Variants in TMEM132D observed in about 807,000 individuals in gnomAD.
The protein encoded by TMEM132D is mature OL transmembrane protein.
A neutral mutation model predicts 62.3 loss-of-function variants in TMEM132D; 21 were observed. The ratio of observed to expected loss-of-function variants is 0.34; its 90% CI spans 0.24 to 0.49. TMEM132D has a LOEUF of 0.49. Among genes scored for constraint, TMEM132D ranks in the 20% least tolerant of loss-of-function variants. TMEM132D has a pLI of 0.99. For synonymous variants in TMEM132D, 621 were observed against 575.6 expected, an observed-to-expected ratio of 1.08 and a Z score of -1.13; for missense variants, 1,346 against 1,402.8, an observed-to-expected ratio of 0.96 and a Z score of 0.65.
At chr12:129,084,853 G>T in intron 5 of TMEM132D, 151 bp from the exon 6 acceptor site, 1 of 644,232 alleles carries the variant, frequency 1.6e-6, no homozygotes, top group Non-Finnish European at 2.6e-6. Context: ...GTATGGAGCA[G>T]ACATTGGGTG....
chr12:129,125,499 A>ATTTTTTTTTTTTTTTTT (rs1565972138), intron 5 of TMEM132D, among the ~76,000 whole-genome samples: 1 of 127,834 alleles, frequency 7.8e-6, no homozygotes, highest in African/African-American at 3.0e-5. Flanking sequence ...AATTACTATG[A>ATTTTTTTTTTTTTTTTT]GTTTTTTTTT....
In TMEM132D at chr12:129,155,883, C is replaced by T. The variant is rs1343092921; in HGVS notation, c.1443+53637G>A. Among the ~76,000 whole-genome samples, 3 of 151,802 alleles carry T rather than the reference C, an allele frequency of 2.0e-5. No individual in the cohort carries two copies. The East Asian group carries it at 5.8e-4, about 29-fold the overall frequency. On this transcript the variant is annotated intron_variant, in intron 5 of 8. Transcript: ENST00000422113. ...TCCCAATATAATGAATCCACTCCCC[C>T]AGTAACCAACCCACTCCCAAGATAA...
At chr12:129,467,630 G>A (rs892661588) in intron 3 of TMEM132D, among the ~76,000 whole-genome samples, 2 of 152,208 alleles carry the variant, frequency 1.3e-5, no homozygotes, top group African/African-American at 4.8e-5. Context: ...GATGATGACA[G>A]AGCAGACATG....
At chr12:129,157,125 T>C (rs779849274) in intron 5 of TMEM132D, among the ~76,000 whole-genome samples, 10 of 152,006 alleles carry the variant, frequency 6.6e-5, no homozygotes, top group Non-Finnish European at 1.5e-4. Flanking sequence ...ACTTCTATGA[T>C]AGCTAACCCA....
chr12:129,798,586 T>A (rs1221022948), intron 1 of TMEM132D, among the ~76,000 whole-genome samples: 3 of 152,198 alleles, frequency 2.0e-5, no homozygotes, highest in Non-Finnish European at 4.4e-5. Context: ...GTACATGCAC[T>A]GTGCCCATTA....
intron 2 of TMEM132D, among the ~76,000 whole-genome samples, chr12:129,584,205 A>G (rs1304239151): frequency 6.6e-6 from 1 of 152,236 alleles, no homozygotes; most frequent in Non-Finnish European, 1.5e-5. Context: ...TTCAAAGAAT[A>G]GTAAGATCTT....
intron 3 of TMEM132D, among the ~76,000 whole-genome samples, chr12:129,373,877 G>T (rs1263727599): frequency 6.6e-6 from 1 of 152,136 alleles, no homozygotes; most frequent in Non-Finnish European, 1.5e-5. Flanking sequence ...ATTATCATTC[G>T]ATTTCCCATT....
In TMEM132D at chr12:129,489,031, C is replaced by T. The variant is rs7958436; in HGVS notation, c.1115+42028G>A. Among the ~76,000 whole-genome samples, 170 of 152,156 alleles carry T rather than the reference C, an allele frequency of 1.1e-3. 1 individual carries two copies. Among genetic ancestry groups the T allele is most frequent in the African/African-American group, 3.5e-3 (144 of 41,500 alleles). On this transcript the variant is annotated intron_variant, in intron 3 of 8. Coordinates refer to ENST00000422113, the MANE Select transcript of TMEM132D (RefSeq NM_133448.3). The stretch of plus-strand genomic sequence containing the variant: ...CAGAGTCATCAATAATGTCAATAGT[C>T]GTCAATAGCCATCAATAACAATACA...
chr12:129,134,294 C>G (rs1464117685), intron 5 of TMEM132D, among the ~76,000 whole-genome samples: 4 of 152,046 alleles, frequency 2.6e-5, no homozygotes, highest in Non-Finnish European at 4.4e-5. Flanking sequence ...ACAAATGACA[C>G]AATTACATCA....
intron 2 of TMEM132D, among the ~76,000 whole-genome samples, chr12:129,674,667 G>A (rs1277647257): frequency 6.6e-6 from 1 of 152,212 alleles, no homozygotes; most frequent in East Asian, 1.9e-4. Context: ...AGCCTCCCAA[G>A]TAGCTGGGAT....
In TMEM132D at chr12:129,145,485, C is replaced by T. The variant is rs117148945; in HGVS notation, c.1444-60783G>A. Among the ~76,000 whole-genome samples, 961 of 152,202 alleles carry T rather than the reference C, an allele frequency of 6.3e-3. 12 individuals are homozygous for T. Among genetic ancestry groups the T allele is most frequent in the Non-Finnish European group, 9.6e-3 (656 of 68,012 alleles). ...TCTGTCAGATGTGAAGAACTAACCA[C>T]AGCTCCGTGCACTCTGCCTGGGTAT... On this transcript the variant is annotated intron_variant, in intron 5 of 8. Coordinates refer to ENST00000422113, the MANE Select transcript of TMEM132D (RefSeq NM_133448.3).
chr12:129,366,002 T>C (rs766446995), intron 3 of TMEM132D, among the ~76,000 whole-genome samples: 19 of 151,932 alleles, frequency 1.3e-4, no homozygotes, highest in Admixed American at 3.3e-4. Flanking sequence ...TTCCCTAAAC[T>C]TTAGTCACTC....
chr12:129,075,070 A>G lies in TMEM132D; in HGVS notation c.2116-11T>C, dbSNP rs2135605829. 1 of 1,594,318 alleles carries G rather than the reference A, an allele frequency of 6.3e-7. No homozygotes were observed. Among genetic ancestry groups the G allele is most frequent in the Non-Finnish European group, 8.5e-7 (1 of 1,173,978 alleles). ...ACTGATGGCTGCTTCCTATGGAGAA[A>G]AATATGTAAGTTAATCAAATGGGCC... On this transcript the variant is annotated splice_polypyrimidine_tract_variant and intron_variant, in intron 8 of 8. Coordinates refer to ENST00000422113, the MANE Select transcript of TMEM132D (RefSeq NM_133448.3).
At chr12:129,205,083 C>A (rs1313225462) in intron 5 of TMEM132D, among the ~76,000 whole-genome samples, 1 of 152,080 alleles carries the variant, frequency 6.6e-6, no homozygotes, top group African/African-American at 2.4e-5. Flanking sequence ...CTTCCATACA[C>A]AGAACAGTGA....
chr12:129,745,575 A>C (rs1206305777), intron 1 of TMEM132D, among the ~76,000 whole-genome samples: 1 of 151,926 alleles, frequency 6.6e-6, no homozygotes, highest in Non-Finnish European at 1.5e-5. Context: ...CACTTCTTTC[A>C]TTTCAAGATG....
rs991572197 is a variant in TMEM132D, at chr12:129,763,841, G to C, written c.80-63143C>G. Reference sequence around the variant, plus strand: ...AGAGCTGGCATGAATGAAAAAGTCAGCCGCAGGTGGAACGTAAGTGCTCAG... The same window carrying C: ...AGAGCTGGCATGAATGAAAAAGTCACCCGCAGGTGGAACGTAAGTGCTCAG... On this transcript the variant is annotated intron_variant, in intron 1 of 8. Transcript: ENST00000422113. Among the ~76,000 whole-genome samples, 12 of 152,116 alleles carry C rather than the reference G, an allele frequency of 7.9e-5. 2 individuals carry two copies. Among genetic ancestry groups the C allele is most frequent in the Admixed American group, 7.2e-4 (11 of 15,268 alleles).
At chr12:129,698,244 C>T (rs774734353) in intron 2 of TMEM132D, 4 of 151,874 alleles carry the variant, frequency 2.6e-5, no homozygotes, top group African/African-American at 9.7e-5. Flanking sequence ...CGGAAGGGAA[C>T]GCTAATGAAG....
intron 3 of TMEM132D, among the ~76,000 whole-genome samples, chr12:129,515,608 C>T (rs541601469): frequency 2.0e-5 from 3 of 152,288 alleles, no homozygotes; most frequent in Admixed American, 6.5e-5. Context: ...CCCTGAGCCA[C>T]GGTCATAAAG....
intron 4 of TMEM132D, among the ~76,000 whole-genome samples, chr12:129,309,893 G>A (rs772899567): frequency 3.9e-5 from 6 of 152,032 alleles, no homozygotes; most frequent in South Asian, 2.1e-4. Context: ...TGGTAGAGTC[G>A]TCCTCTGCAG....
Sources: gnomAD v4.1 joint callset for allele counts (sites outside exome capture counted in the v4.1 genomes callset) on GRCh38, gnomAD v4.1.1 for gene constraint, MANE v1.5 for transcripts, NCBI Gene and HGNC (gene_info 2026-07-23, HGNC 2026-07-21) for gene names.